The following DIAPH3 variants were observed in gnomAD, a reference collection of about 807,000 sequenced individuals.
DIAPH3 encodes protein diaphanous homolog 3.
A neutral mutation model predicts 144.3 loss-of-function variants in DIAPH3; 117 were observed. The ratio of observed to expected loss-of-function variants is 0.81; its 90% confidence interval spans 0.70 to 0.95. The LOEUF (loss-of-function observed/expected upper bound fraction) is 0.95. Among genes scored for constraint, DIAPH3 ranks in the 40% least tolerant of loss-of-function variants. The pLI, the probability that DIAPH3 is intolerant of heterozygous loss-of-function variation, is 0.00. For missense variants in DIAPH3, 1,421 were observed against 1,412.7 expected (o/e 1.01, Z -0.09); for synonymous variants, 519 against 488.9 (o/e 1.06, Z -0.81).
intron 5 of DIAPH3, among the ~76,000 whole-genome samples, chr13:60,030,392 A>G (rs2054701623): frequency 1.3e-5 from 2 of 152,202 alleles, no homozygotes; most frequent in South Asian, 4.1e-4. Flanking sequence ...CAACAATTTA[A>G]GAAAAGAAAT....
At chr13:59,958,432 G>A (rs1475982779) in intron 17 of DIAPH3, among the ~76,000 whole-genome samples, 1 of 152,070 alleles carries the variant, frequency 6.6e-6, no homozygotes, top group African/African-American at 2.4e-5. Context: ...AACAGGCAAT[G>A]TAGACATTGT....
At position 59,666,697 on chromosome 13, in the gene DIAPH3, C is replaced by A. The variant is rs1032371095; in HGVS notation, c.3469G>T (p.Ala1157Ser). Reference sequence around the variant, plus strand: ...TTTCTGTTGCTTTCTACATTACACGCTTCCTTCTTCTCAGCTGCCTTGATC... The same window carrying A: ...TTTCTGTTGCTTTCTACATTACACGATTCCTTCTTCTCAGCTGCCTTGATC... ...GRIKAAEKKE[A>S]CNVESNRKKE... The change falls in exon 28 of 28, where the codon GCG becomes TCG. Residue 1157 changes from alanine (A) to serine (S), a missense_variant. Ala to Ser is a moderately conservative substitution (Grantham distance 99, BLOSUM62 1). Transcript: ENST00000400324. 2.5e-6 allele frequency: 4 copies of A among 1,614,040 alleles called. No individual in the cohort carries two copies. The highest frequency in any genetic ancestry group is 3.4e-6 in the Non-Finnish European group (4 of 1,179,972).
intron 27 of DIAPH3, among the ~76,000 whole-genome samples, chr13:59,738,210 T>C (rs902139804): frequency 6.6e-6 from 1 of 152,038 alleles, no homozygotes; most frequent in African/African-American, 2.4e-5. Flanking sequence ...AATTACCTGA[T>C]ATCTAGAATT....
intron 25 of DIAPH3, among the ~76,000 whole-genome samples, chr13:59,785,373 G>T (rs987476702): frequency 6.6e-6 from 1 of 151,986 alleles, no homozygotes; most frequent in Admixed American, 6.6e-5. Context: ...TTAAAATAGA[G>T]CACCCAAGAG....
chr13:60,054,192 C>T (rs1480112373), intron 4 of DIAPH3, among the ~76,000 whole-genome samples: 1 of 151,784 alleles, frequency 6.6e-6, no homozygotes, highest in Admixed American at 6.6e-5. Flanking sequence ...TAGAGAAAAC[C>T]AGTATTTTTT....
intron 27 of DIAPH3, among the ~76,000 whole-genome samples, chr13:59,745,429 GTTGAGT>G (rs2036653328): frequency 6.6e-6 from 1 of 152,132 alleles, no homozygotes. Flanking sequence ...TACCTAGGGT[GTTGAGT>G]TTTCTCATGA....
chr13:59,708,484 A>G (rs185138621), intron 27 of DIAPH3, among the ~76,000 whole-genome samples: 6 of 152,070 alleles, frequency 3.9e-5, no homozygotes, highest in African/African-American at 1.4e-4. Flanking sequence ...TCGTTTTACA[A>G]CTCTGACCTT....
intron 21 of DIAPH3, among the ~76,000 whole-genome samples, chr13:59,865,839 A>G (rs1270049622): frequency 2.0e-5 from 3 of 152,042 alleles, no homozygotes; most frequent in Non-Finnish European, 4.4e-5. Context: ...AATAATTTAA[A>G]TTTAAACCCT....
intron 5 of DIAPH3, among the ~76,000 whole-genome samples, chr13:60,041,717 A>T (rs1319929682): frequency 6.6e-6 from 1 of 152,222 alleles, no homozygotes; most frequent in African/African-American, 2.4e-5. Context: ...ATATACATAT[A>T]TTCTTATGCA....
At chr13:60,117,416 A>T (rs973648260) in intron 2 of DIAPH3, among the ~76,000 whole-genome samples, 4 of 152,092 alleles carry the variant, frequency 2.6e-5, no homozygotes, top group Non-Finnish European at 4.4e-5. Flanking sequence ...AAAGAAAAAA[A>T]TAAGGAAAGA....
chr13:59,826,022 G>A (rs986282896), intron 24 of DIAPH3, among the ~76,000 whole-genome samples: 4 of 152,030 alleles, frequency 2.6e-5, no homozygotes, highest in African/African-American at 9.7e-5. Flanking sequence ...GTATTGATGG[G>A]ACATATCTCA....
intron 20 of DIAPH3, among the ~76,000 whole-genome samples, chr13:59,905,428 A>T (rs1490910865): frequency 6.6e-6 from 1 of 151,720 alleles, no homozygotes. Context: ...AAGATTAAAA[A>T]GGCCTTTCAA....
At chr13:59,844,602 G>A (rs2042533673) in intron 22 of DIAPH3, among the ~76,000 whole-genome samples, 1 of 151,804 alleles carries the variant, frequency 6.6e-6, no homozygotes, top group African/African-American at 2.4e-5. Flanking sequence ...TGGTGTCTCT[G>A]TATGTGACCT....
chr13:59,789,333 T>C (rs1263127244), intron 25 of DIAPH3, among the ~76,000 whole-genome samples: 2 of 152,188 alleles, frequency 1.3e-5, no homozygotes, highest in Non-Finnish European at 2.9e-5. Context: ...AGAGCTTCAC[T>C]TTATTCTGAG....
intron 9 of DIAPH3, among the ~76,000 whole-genome samples, chr13:60,001,027 A>C (rs2052496674): frequency 6.6e-6 from 1 of 152,126 alleles, no homozygotes. Flanking sequence ...CTCATATTTC[A>C]TTTCCACTTG....
At position 59,786,557 on chromosome 13, in the gene DIAPH3, T is replaced by A. The variant is rs564507439; in HGVS notation, c.3164-11734A>T. Among the ~76,000 whole-genome samples the A allele has an allele frequency of 6.6e-5, 10 of 152,244 alleles. No individual in the cohort carries two copies. In the East Asian group the frequency reaches 1.7e-3, roughly 26 times the overall value. On this transcript the variant is annotated intron_variant, in intron 25 of 27. Transcript: ENST00000400324. Reference sequence around the variant, plus strand: ...CTGCTCACTTAATTGTCTACTCAAATAAAAAAGTTACAATCATTTTTGGAA... The same window carrying A: ...CTGCTCACTTAATTGTCTACTCAAAAAAAAAAGTTACAATCATTTTTGGAA...
chr13:60,146,582 A>G (rs752721273), intron 1 of DIAPH3, among the ~76,000 whole-genome samples: 1 of 152,186 alleles, frequency 6.6e-6, no homozygotes, highest in Non-Finnish European at 1.5e-5. Flanking sequence ...TATGCAATAC[A>G]GTGAAATCCT....
chr13:59,979,116 G>C (rs1381504304), intron 14 of DIAPH3, among the ~76,000 whole-genome samples: 1 of 151,620 alleles, frequency 6.6e-6, no homozygotes, highest in Non-Finnish European at 1.5e-5. Flanking sequence ...AGTATTTTCT[G>C]AATCTAACTA....
intron 2 of DIAPH3, among the ~76,000 whole-genome samples, chr13:60,129,049 T>G (rs892150336): frequency 6.6e-6 from 1 of 151,986 alleles, no homozygotes; most frequent in Non-Finnish European, 1.5e-5. Context: ...GAGATGAGGA[T>G]CATAGAAGTA....
Sources: allele counts gnomAD v4.1 joint callset (sites outside exome capture counted in the v4.1 genomes callset), GRCh38; gene constraint gnomAD v4.1.1; transcripts MANE v1.5; gene names NCBI Gene and HGNC (gene_info 2026-07-23, HGNC 2026-07-21).